Variants in NOTUM observed in about 807,000 individuals in gnomAD.
The protein encoded by NOTUM is palmitoleoyl-protein carboxylesterase NOTUM.
A neutral mutation model predicts 65.5 loss-of-function variants in NOTUM; 36 were observed. The observed-to-expected ratio is 0.55, with a 90% CI of 0.42 to 0.73. The LOEUF is 0.73. Ranked by LOEUF, NOTUM falls within the 30% of genes least tolerant of loss-of-function variation. The pLI is 0.00. For missense variants in NOTUM, 659 were observed against 694.2 expected (o/e 0.95, Z 0.57); for synonymous variants, 356 against 297.9 (o/e 1.20, Z -2.01).
rs771679662 is a variant in NOTUM, at chr17:81,953,012, C to T, written c.1440G>A (p.Pro480=). The change falls in exon 11 of 11, where the codon CCG becomes CCA. Residue 480 remains proline, a synonymous_variant. Transcript: ENST00000409678. ...GCAGCTCACTGGGCTCCAGTCCCTG[C>T]GGCTGGGCCACCGTCTGCATGTCGA... is the stretch of plus-strand genomic sequence containing the variant. The part of the protein sequence containing the change: ...MGFDMQTVAQ[P]QGLEPSELLG... 30 of 1,614,006 alleles carry T rather than the reference C, an allele frequency of 1.9e-5. No individual in the cohort carries two copies. The highest frequency in any genetic ancestry group is 2.4e-5 in the Non-Finnish European group (28 of 1,179,992).
At chr17:81,957,541 C>T (rs1297410024) in intron 6 of NOTUM, among the ~76,000 whole-genome samples, 3 of 152,050 alleles carry the variant, frequency 2.0e-5, no homozygotes, top group Admixed American at 6.5e-5. Context: ...CAGCCCAAAC[C>T]TTCCCCTATA....
chr17:81,954,850 C>G (rs562888511), intron 9 of NOTUM, among the ~76,000 whole-genome samples: 1 of 152,304 alleles, frequency 6.6e-6, no homozygotes, highest in Admixed American at 6.5e-5. Flanking sequence ...CTCCTGGCCT[C>G]CAGCAATCCT....
At position 81,957,875 on chromosome 17, in the gene NOTUM, T is replaced by G; in HGVS notation, c.626A>C (p.Gln209Pro). ...EYAFMGALIIQEVVRELLGRG... is the reference protein window; with the variant it reads ...EYAFMGALIIPEVVRELLGRG... ...GCCCAGAAGCTCCCGCACCACCTCCTGGATGATGAGGGCGCCCATGAAGGC... is the reference window on the plus strand; with the variant it reads ...GCCCAGAAGCTCCCGCACCACCTCCGGGATGATGAGGGCGCCCATGAAGGC... The change falls in exon 6 of 11, where the codon CAG becomes CCG. Residue 209 changes from glutamine (Q) to proline (P), a missense_variant. Coordinates refer to ENST00000409678, the MANE Select transcript of NOTUM (RefSeq NM_178493.6). 1.2e-6 allele frequency: 2 copies of G among 1,608,398 alleles called. No individual in the cohort carries two copies. The highest frequency in any genetic ancestry group is 2.2e-5 in the South Asian group (2 of 89,814).
chr17:81,959,055 G>A, intron 3 of NOTUM, 60 bp from the exon 4 acceptor site: 2 of 1,449,734 alleles, frequency 1.4e-6, no homozygotes, highest in Non-Finnish European at 1.9e-6. Flanking sequence ...GGTCGGGTCT[G>A]GGAACCCTGG....
Position 81,956,735 on chromosome 17 carries a change from C to T in NOTUM, c.903G>A (p.Val301=), listed in dbSNP as rs1167934567. ...ACTGGCGTCGGCAGCGCTCCGGGACCACCCCGTTCCAGTACCTGGAGCCAC... is the reference window on the plus strand; with the variant it reads ...ACTGGCGTCGGCAGCGCTCCGGGACTACCCCGTTCCAGTACCTGGAGCCAC... The part of the protein sequence containing the change: ...IRRGIRYWNG[V]VPERCRRQFQ... Residue 301 remains valine (V), a synonymous_variant, in exon 8 of 11, where the codon GTG becomes GTA. Coordinates refer to ENST00000409678, the MANE Select transcript of NOTUM (RefSeq NM_178493.6). 5 of 1,612,670 alleles carry T rather than the reference C, an allele frequency of 3.1e-6. No individual in the cohort carries two copies. Among genetic ancestry groups the T allele is most frequent in the South Asian group, 1.1e-5 (1 of 91,072 alleles).
In NOTUM at chr17:81,959,556, G is replaced by A; in HGVS notation, c.387C>T (p.Tyr129=). The part of the protein sequence containing the change: ...RWLLFLEGGW[Y]CFNRENCDSR... ...AGTCGCAGTTCTCGCGGTTGAAGCA[G>A]TACCAGCCGCCTGCGGACACGACCG... The change falls in exon 3 of 11, where the codon TAC becomes TAT. Residue 129 remains tyrosine, a synonymous_variant. Coordinates refer to ENST00000409678, the MANE Select transcript of NOTUM (RefSeq NM_178493.6). 6.5e-7 allele frequency: 1 copy of A among 1,548,994 alleles called. No homozygotes were observed. The highest frequency in any genetic ancestry group is 8.7e-7 in the Non-Finnish European group (1 of 1,146,476).
At position 81,958,366 on chromosome 17, in the gene NOTUM, A is replaced by G. The variant is rs1189501948; in HGVS notation, c.561T>C (p.Val187=). 1.2e-6 allele frequency: 2 copies of G among 1,610,552 alleles called. No individual in the cohort carries two copies. Among genetic ancestry groups the G allele is most frequent in the Non-Finnish European group, 1.7e-6 (2 of 1,178,240 alleles). ...MVFIPYCSSD[V]WSGASSKSEK... ...CAGACTTGGATGAAGCCCCGCTCCAAACATCACTGGAGCAGTAGGGGATGA... is the reference window on the plus strand; with the variant it reads ...CAGACTTGGATGAAGCCCCGCTCCAGACATCACTGGAGCAGTAGGGGATGA... The change falls in exon 5 of 11, where the codon GTT becomes GTC. Residue 187 remains valine (V), a synonymous_variant. Transcript: ENST00000409678.
chr17:81,958,869 G>A (rs1343449402), intron 4 of NOTUM, 66 bp downstream of exon 4: 3 of 1,251,444 alleles, frequency 2.4e-6, no homozygotes, highest in Non-Finnish European at 3.5e-6. Flanking sequence ...ACTTCCCAAG[G>A]AAGGACCCCC....
chr17:81,954,647 T>C (rs2041414567), intron 9 of NOTUM, among the ~76,000 whole-genome samples: 1 of 152,216 alleles, frequency 6.6e-6, no homozygotes. Flanking sequence ...TGGAGTGTAG[T>C]GGTACAATCG....
At chr17:81,958,018 ATCT>A in intron 5 of NOTUM, 110 bp from the exon 6 acceptor site, 1 of 822,950 alleles carries the variant, frequency 1.2e-6, no homozygotes, top group Non-Finnish European at 2.0e-6. Context: ...ACTGGGAGGA[ATCT>A]TCTGAGAAGG....
At chr17:81,958,287 TCCG>T in intron 5 of NOTUM, 45 bp downstream of exon 5, 1 of 1,327,244 alleles carries the variant, frequency 7.5e-7, no homozygotes, top group Non-Finnish European at 1.1e-6. Context: ...TGCCCTGCCA[TCCG>T]GCCCCGTCCC....
chr17:81,960,866 T>C lies in NOTUM; in HGVS notation c.44A>G (p.His15Arg), dbSNP rs2041471102. The change falls in exon 1 of 11, where the codon CAC (histidine) becomes CGC (arginine). Residue 15 changes from histidine to arginine, a missense_variant. Physicochemically the swap from His to Arg is conservative, Grantham distance 29. Transcript: ENST00000409678. The surrounding 1 kb of genome is among the most constrained non-coding windows in gnomAD (Gnocchi z 6.4). ...VRVLLLLSLL[H>R]CAGGSEGRKT... is the part of the protein sequence containing the mutation. ...CCTGCCCTCGCTGCCCCCGGCGCAGTGCAGCAGGCTCAGCAGCAGCAGCAC... is the reference window on the plus strand; with the variant it reads ...CCTGCCCTCGCTGCCCCCGGCGCAGCGCAGCAGGCTCAGCAGCAGCAGCAC... The C allele has an allele frequency of 1.4e-6, 2 of 1,434,838 alleles. No homozygotes were observed. Among genetic ancestry groups the C allele is most frequent in the Non-Finnish European group, 1.8e-6 (2 of 1,098,120 alleles). 88.9% of individuals were successfully genotyped at this position (1,434,838 alleles called of 1,614,324 possible). A position where few individuals can be genotyped will look rare whatever the true frequency, so the allele number is the denominator to read the frequency against.
In NOTUM at chr17:81,958,396, G is replaced by A. The variant is rs562422007; in HGVS notation, c.534-3C>T. Reference sequence around the variant, plus strand: ...CACTGGAGCAGTAGGGGATGAAGCTGCAACACAGAACAGAGTGAGCCTGTC... The same window carrying A: ...CACTGGAGCAGTAGGGGATGAAGCTACAACACAGAACAGAGTGAGCCTGTC... On this transcript the variant is annotated splice_polypyrimidine_tract_variant and splice_region_variant and intron_variant, in intron 4 of 10. Coordinates refer to ENST00000409678, the MANE Select transcript of NOTUM (RefSeq NM_178493.6). 9 of 1,606,536 alleles carry A rather than the reference G, an allele frequency of 5.6e-6. No homozygotes were observed. Among genetic ancestry groups the A allele is most frequent in the Non-Finnish European group, 7.7e-6 (9 of 1,175,116 alleles).
In NOTUM at chr17:81,956,865, C is replaced by G. The variant is rs539503596; in HGVS notation, c.887+18G>C. The G allele has an allele frequency of 6.2e-7, 1 of 1,604,552 alleles. No individual in the cohort carries two copies. Among genetic ancestry groups the G allele is most frequent in the Non-Finnish European group, 8.5e-7 (1 of 1,175,966 alleles). The stretch of plus-strand genomic sequence containing the variant: ...GGCAAAGCTGCAGCACGAGGACGGG[C>G]CCTCCCCGCTGCGGCACCTGATGCC... On this transcript the variant is annotated intron_variant, in intron 7 of 10. Coordinates refer to ENST00000409678, the MANE Select transcript of NOTUM (RefSeq NM_178493.6).
In NOTUM at chr17:81,953,002, C is replaced by T; in HGVS notation, c.1450G>A (p.Glu484Lys). 1 of 1,614,000 alleles carries T rather than the reference C, an allele frequency of 6.2e-7. No individual in the cohort carries two copies. The highest frequency in any genetic ancestry group is 8.5e-7 in the Non-Finnish European group (1 of 1,180,004). ...AGCATCCCCAGCAGCTCACTGGGCT[C>T]CAGTCCCTGCGGCTGGGCCACCGTC... ...MQTVAQPQGL[E>K]PSELLGMLSN... is the part of the protein sequence containing the mutation. The change falls in exon 11 of 11, where the codon GAG (glutamate) becomes AAG (lysine). Residue 484 changes from glutamate (E) to lysine (K), a missense_variant. Transcript: ENST00000409678.
At chr17:81,957,755 C>A in intron 6 of NOTUM, 51 bp downstream of exon 6, 1 of 1,307,728 alleles carries the variant, frequency 7.6e-7, no homozygotes, top group East Asian at 2.5e-5. Context: ...TTCCATGCAC[C>A]CTGCACACCG....
intron 10 of NOTUM, among the ~76,000 whole-genome samples, chr17:81,953,529 G>C (rs1323463985): frequency 6.6e-6 from 1 of 152,038 alleles, no homozygotes; most frequent in Non-Finnish European, 1.5e-5. Flanking sequence ...ACTGACGTCA[G>C]GTGATCTGCC....
intron 8 of NOTUM, among the ~76,000 whole-genome samples, chr17:81,956,447 C>T (rs2041433783): frequency 6.7e-6 from 1 of 150,018 alleles, no homozygotes. Context: ...TGGCACACAG[C>T]CGGCCTCCTC....
rs753531863 is a variant in NOTUM at position 81,952,945 on chromosome 17, C to T, written c.*16G>A. ...TCTGGGCCCCTCAGTGCCGGCTCCT[C>T]CTCCAGACAGTCTGCCTAGCTTCCG... On this transcript the variant is annotated 3_prime_UTR_variant, in exon 11 of 11. Coordinates refer to ENST00000409678, the MANE Select transcript of NOTUM (RefSeq NM_178493.6). 18 of 1,611,678 alleles carry T rather than the reference C, an allele frequency of 1.1e-5. 1 individual carries two copies. The Middle Eastern group carries it at 4.9e-4, about 44-fold the overall frequency.
Sources: allele counts gnomAD v4.1 joint callset (sites outside exome capture counted in the v4.1 genomes callset), GRCh38; gene constraint gnomAD v4.1.1; non-coding constraint Gnocchi (gnomAD v3.1); transcripts MANE v1.5; gene names NCBI Gene and HGNC (gene_info 2026-07-23, HGNC 2026-07-21).